Variants in C3orf52 observed in about 807,000 individuals in gnomAD.
C3orf52 encodes the protein chromosome 3 open reading frame 52, also known as TPA-induced transmembrane protein.
In C3orf52, 22 loss-of-function variants were observed where a neutral mutation model predicts 24.8. The observed-to-expected ratio is 0.89, with a 90% CI of 0.63 to 1.27. C3orf52 has a LOEUF of 1.27. C3orf52 is among the 50% of genes most tolerant of loss of function. C3orf52 has a pLI of 0.00. For synonymous variants in C3orf52, 93 were observed against 100.2 expected (o/e 0.93, Z 0.43); for missense variants, 265 against 260.7 (o/e 1.02, Z -0.11).
At chr3:112,125,536 A>G (rs1576162867) in intron 4 of C3orf52, among the ~76,000 whole-genome samples, 1 of 152,090 alleles carries the variant, frequency 6.6e-6, no homozygotes, top group African/African-American at 2.4e-5. Context: ...TTCCCTCCTT[A>G]CCTAGCCCCG....
At chr3:112,094,997 C>T (rs376517465) in intron 2 of C3orf52, among the ~76,000 whole-genome samples, 1 of 152,278 alleles carries the variant, frequency 6.6e-6, no homozygotes, top group Non-Finnish European at 1.5e-5. Context: ...TTCCATTTAC[C>T]GCTTGTTTCC....
intron 5 of C3orf52, among the ~76,000 whole-genome samples, chr3:112,113,443 A>G (rs565730175): frequency 6.6e-6 from 1 of 152,346 alleles, no homozygotes; most frequent in East Asian, 1.9e-4. Context: ...CAGTTCACCC[A>G]CATTCTAAGC....
intron 3 of C3orf52, 33 bp from the exon 4 acceptor site, chr3:112,109,510 T>A: frequency 7.2e-7 from 1 of 1,381,116 alleles, no homozygotes; most frequent in South Asian, 1.2e-5. Context: ...CTGTCGGTAA[T>A]GTGTGTGGTT....
At chr3:112,095,137 T>G (rs1467506736) in intron 2 of C3orf52, among the ~76,000 whole-genome samples, 1 of 152,230 alleles carries the variant, frequency 6.6e-6, no homozygotes, top group Admixed American at 6.5e-5. Context: ...ACGTATTTAC[T>G]TAGGGCATTG....
chr3:112,088,074 A>T (rs1228066393), intron 1 of C3orf52, among the ~76,000 whole-genome samples: 1 of 152,192 alleles, frequency 6.6e-6, no homozygotes, highest in Non-Finnish European at 1.5e-5. Context: ...TGTTCTCATG[A>T]CGTCCTTGTT....
intron 5 of C3orf52, among the ~76,000 whole-genome samples, chr3:112,113,915 G>T: frequency 6.6e-6 from 1 of 152,080 alleles, no homozygotes; most frequent in Middle Eastern, 3.2e-3. Context: ...CTGATACCTC[G>T]CTCGGAGGCT....
At chr3:112,127,895 A>C in intron 4 of C3orf52, 1 of 752,200 alleles carries the variant, frequency 1.3e-6, no homozygotes, top group Non-Finnish European at 2.4e-6. Flanking sequence ...CTCTTAGGTG[A>C]TTGTATCTGG....
At chr3:112,096,304 C>T (rs994640157) in intron 2 of C3orf52, among the ~76,000 whole-genome samples, 1 of 152,216 alleles carries the variant, frequency 6.6e-6, no homozygotes, top group African/African-American at 2.4e-5. Context: ...AGAAGCCATG[C>T]GTTGGGCAGC....
At chr3:112,119,059 G>A (rs1314527987), downstream of C3orf52, among the ~76,000 whole-genome samples, 3 of 152,128 alleles carry the variant, frequency 2.0e-5, no homozygotes, top group Non-Finnish European at 4.4e-5. Flanking sequence ...GATGAAACAG[G>A]AAACAGCAGA....
intron 4 of C3orf52, among the ~76,000 whole-genome samples, chr3:112,110,191 G>A (rs755535708): frequency 6.6e-6 from 1 of 152,096 alleles, no homozygotes; most frequent in Admixed American, 6.5e-5. Context: ...TTAGCCAGGT[G>A]TGTTGGTGGG....
chr3:112,126,284 TCTC>T (rs150193128), intron 4 of C3orf52, among the ~76,000 whole-genome samples: 1 of 152,292 alleles, frequency 6.6e-6, no homozygotes, highest in African/African-American at 2.4e-5. Flanking sequence ...TGAATTAGGT[TCTC>T]CTCTTTAAGG....
chr3:112,087,841 T>C (rs1375111992), intron 1 of C3orf52, among the ~76,000 whole-genome samples: 7 of 152,180 alleles, frequency 4.6e-5, no homozygotes, highest in African/African-American at 1.7e-4. Flanking sequence ...AAAGACTCCC[T>C]AGCTTGGGGC....
rs76759672 is a variant in C3orf52 at position 112,089,113 on chromosome 3, T to C, written c.138+2568T>C. Among the ~76,000 whole-genome samples the C allele has an allele frequency of 5.2e-3, 798 of 152,342 alleles. 9 individuals are homozygous for C. Among genetic ancestry groups the C allele is most frequent in the African/African-American group, 0.018 (768 of 41,582 alleles). ...ATGGGTAATAGAGTGAGGCTGGTTT[T>C]CTTTTATGGCTTATTACAGGGGCTC... is the stretch of plus-strand genomic sequence containing the variant. On this transcript the variant is annotated intron_variant, in intron 1 of 5. Transcript: ENST00000264848.
intron 4 of C3orf52, chr3:112,123,881 C>T: frequency 8.6e-7 from 1 of 1,164,790 alleles, no homozygotes; most frequent in South Asian, 1.5e-5. Context: ...TCTATGACCA[C>T]CTCCTCCCCA....
At chr3:112,126,006 A>G (rs1010689710) in intron 4 of C3orf52, among the ~76,000 whole-genome samples, 1 of 152,210 alleles carries the variant, frequency 6.6e-6, no homozygotes, top group African/African-American at 2.4e-5. Flanking sequence ...CATATGGTAT[A>G]TGGATTGACA....
intron 2 of C3orf52, among the ~76,000 whole-genome samples, chr3:112,096,098 C>T (rs1395901057): frequency 2.0e-5 from 3 of 152,174 alleles, no homozygotes; most frequent in African/African-American, 7.2e-5. Context: ...GCTTACCCTT[C>T]TCTAGACCCC....
chr3:112,108,715 T>G (rs2074050489), intron 3 of C3orf52, among the ~76,000 whole-genome samples: 1 of 152,152 alleles, frequency 6.6e-6, no homozygotes, highest in Non-Finnish European at 1.5e-5. Flanking sequence ...AAGGCAAGTT[T>G]TAGAAGATTA....
rs372956418 is a variant in C3orf52, at chr3:112,123,705, G to A, written c.*46+4143G>A. The A allele has an allele frequency of 5.6e-6, 9 of 1,613,914 alleles. No individual in the cohort carries two copies. In the African/African-American group the frequency reaches 6.7e-5, roughly 12 times the overall value. On this transcript the variant is annotated intron_variant, in intron 4 of 4. Coordinates refer to the C3orf52 transcript ENST00000480282. Reference sequence around the variant, plus strand: ...TTCAGCAGAGTTCCCTGATGGCCTTGTACAGAGAACCCGATGATTGATGAG... The same window carrying A: ...TTCAGCAGAGTTCCCTGATGGCCTTATACAGAGAACCCGATGATTGATGAG...
downstream of C3orf52, chr3:112,129,858 A>G (rs1210238833): frequency 6.6e-6 from 1 of 152,268 alleles, no homozygotes; most frequent in Non-Finnish European, 1.5e-5. Context: ...CCACAGAAAA[A>G]CTGACCTTGT....
Sources: gnomAD v4.1 joint callset for allele counts (sites outside exome capture counted in the v4.1 genomes callset) on GRCh38, gnomAD v4.1.1 for gene constraint, MANE v1.5 for transcripts, NCBI Gene and HGNC (gene_info 2026-07-23, HGNC 2026-07-21) for gene names.